Variants in MRPL42 observed in about 807,000 individuals in gnomAD.
The protein encoded by MRPL42 is mitochondrial ribosomal protein L42, also known as large ribosomal subunit protein mL42.
In MRPL42, 17 loss-of-function variants were observed where a neutral mutation model predicts 17.9. The observed-to-expected ratio is 0.95, with a 90% confidence interval of 0.65 to 1.42. The LOEUF (loss-of-function observed/expected upper bound fraction) is 1.42, where lower values mean the gene tolerates loss of function less well. MRPL42 is among the 40% of genes most tolerant of loss of function. The probability of loss-of-function intolerance (pLI) is 0.00; values close to 1 mark genes in which losing one functional copy is unlikely to be tolerated. For missense variants in MRPL42, 177 were observed against 175.2 expected (o/e 1.01, Z -0.06); for synonymous variants, 59 against 54.4 (o/e 1.08, Z -0.37).
chr12:93,482,392 G>A (rs1289712413), intron 4 of MRPL42, among the ~76,000 whole-genome samples: 1 of 152,128 alleles, frequency 6.6e-6, no homozygotes, highest in Non-Finnish European at 1.5e-5. Flanking sequence ...TCACTAAAAT[G>A]TAAGCTTGAT....
rs1953605461 is a variant in MRPL42 at position 93,502,084 on chromosome 12, GTGGTTTTCTT to G, written c.*865_*874del. On this transcript the variant is annotated 3_prime_UTR_variant, in exon 6 of 6. Coordinates refer to ENST00000549982, the MANE Select transcript of MRPL42 (RefSeq NM_014050.4). ...TTTAGTGCATCACAATGACAAAGGG[GTGGTTTTCTT>G]TCACCCAAGAATGTGCTTTCCTGGA... The G allele has an allele frequency of 6.6e-6, 1 of 152,112 alleles. No individual in the cohort carries two copies. Among genetic ancestry groups the G allele is most frequent in the African/African-American group, 2.4e-5 (1 of 41,416 alleles). 9.4% of individuals were successfully genotyped at this position (152,112 alleles called of 1,614,324 possible).
intron 3 of MRPL42, among the ~76,000 whole-genome samples, chr12:93,478,489 G>T (rs1278946056): frequency 1.3e-5 from 2 of 152,006 alleles, no homozygotes; most frequent in African/African-American, 4.8e-5. Context: ...GAGCTCAAGT[G>T]ATCCGCCTTG....
intron 4 of MRPL42, among the ~76,000 whole-genome samples, chr12:93,481,526 C>G (rs1477459073): frequency 1.3e-5 from 2 of 152,142 alleles, no homozygotes; most frequent in Non-Finnish European, 2.9e-5. Flanking sequence ...TATTTCTCCT[C>G]CTCCACCACT....
At position 93,501,177 on chromosome 12, in the gene MRPL42, T is replaced by C; in HGVS notation, c.385T>C (p.Tyr129His). The C allele has an allele frequency of 6.3e-7, 1 of 1,596,156 alleles. No individual in the cohort carries two copies. The highest frequency in any genetic ancestry group is 8.5e-7 in the Non-Finnish European group (1 of 1,172,638). The change falls in exon 6 of 6, where the codon TAT becomes CAT. Residue 129 changes from tyrosine to histidine, a missense_variant and splice_region_variant. Physicochemically the swap from Tyr to His is moderately conservative, Grantham distance 83. Transcript: ENST00000549982. ...TKHRWYPHGRYHRCRKNLNPP... is the reference protein window; with the variant it reads ...TKHRWYPHGRHHRCRKNLNPP... Reference sequence around the variant, plus strand: ...TCCAAGTATTTTCTTCTTTTCAAGGTATCACAGATGTCGTAAGAATCTGAA... The same window carrying C: ...TCCAAGTATTTTCTTCTTTTCAAGGCATCACAGATGTCGTAAGAATCTGAA...
intron 2 of MRPL42, among the ~76,000 whole-genome samples, chr12:93,472,146 G>T (rs558889180): frequency 2.7e-4 from 41 of 152,210 alleles, no homozygotes; most frequent in Middle Eastern, 6.8e-3. Flanking sequence ...TAATCTGAAT[G>T]GTTTAGAGTT....
intron 5 of MRPL42, among the ~76,000 whole-genome samples, chr12:93,496,219 C>T (rs1044337169): frequency 4.6e-5 from 7 of 151,964 alleles, no homozygotes; most frequent in Admixed American, 2.6e-4. Context: ...CCACAACACC[C>T]GGCTAATTTT....
rs1296628549 is a variant in MRPL42, at chr12:93,476,996, C to T, written c.113C>T (p.Pro38Leu). ...YCVCHKSTYS[P>L]LPDDYNCNVE... ...GTTTGTCATAAATCTACGTATTCTCCTCTACCAGATGACTATAATTGGTAT... is the reference window on the plus strand; with the variant it reads ...GTTTGTCATAAATCTACGTATTCTCTTCTACCAGATGACTATAATTGGTAT... Residue 38 changes from proline to leucine, a missense_variant, in exon 3 of 6, where the codon CCT (proline) becomes CTT (leucine). Coordinates refer to ENST00000549982, the MANE Select transcript of MRPL42 (RefSeq NM_014050.4). 5.0e-6 allele frequency: 8 copies of T among 1,604,706 alleles called. No homozygotes were observed. The highest frequency in any genetic ancestry group is 6.0e-6 in the Non-Finnish European group (7 of 1,173,682).
intron 2 of MRPL42, among the ~76,000 whole-genome samples, chr12:93,474,232 C>T (rs1302943349): frequency 6.6e-6 from 1 of 151,958 alleles, no homozygotes; most frequent in Non-Finnish European, 1.5e-5. Context: ...AAATGTATAT[C>T]ATCTAGTTGG....
rs892427314 is a variant in MRPL42 at position 93,509,471 on chromosome 12, T to C, written c.*8250T>C. 1.3e-5 allele frequency: 2 copies of C among 151,840 alleles called. No individual in the cohort carries two copies. The highest frequency in any genetic ancestry group is 2.9e-5 in the Non-Finnish European group (2 of 67,944). 9.4% of individuals were successfully genotyped at this position (151,840 alleles called of 1,614,324 possible). ...TTTGCTCTTTTTTTTTTCTTAGCAC[T>C]TAAAAAAGACTTTTTGCCAGGCACA... On this transcript the variant is annotated 3_prime_UTR_variant, in exon 6 of 6. Coordinates refer to ENST00000549982, the MANE Select transcript of MRPL42 (RefSeq NM_014050.4).
rs756104167 is a variant in MRPL42 at position 93,511,937 on chromosome 12, A to C, written c.*10716A>C. On this transcript the variant is annotated 3_prime_UTR_variant, in exon 6 of 6. Transcript: ENST00000549982. ...AAAGTCTTGGTAGAAAAAGCATATC[A>C]ACTGAACTGTACAGTGTGTTCAGTG... is the stretch of plus-strand genomic sequence containing the variant. 5 of 152,236 alleles carry C rather than the reference A, an allele frequency of 3.3e-5. No individual in the cohort carries two copies. Among genetic ancestry groups the C allele is most frequent in the Non-Finnish European group, 5.9e-5 (4 of 68,046 alleles). The allele number at this position is 152,236 out of a possible 1,614,324, so 9.4% of individuals were successfully genotyped here.
chr12:93,477,467 CAT>C lies in MRPL42; in HGVS notation c.134+453_134+454del, dbSNP rs752190924. On this transcript the variant is annotated intron_variant, in intron 3 of 5. Transcript: ENST00000549982. ...TCACTATGATAAGAACTAGGAATAA[CAT>C]ATGACATTGTCTTTTTTCTCTGCAG... Among the ~76,000 whole-genome samples, 5 of 152,320 alleles carry C rather than the reference CAT, an allele frequency of 3.3e-5. No homozygotes were observed. The South Asian group carries it at 6.2e-4, about 19-fold the overall frequency.
At position 93,505,122 on chromosome 12, in the gene MRPL42, A is replaced by T. The variant is rs534821118; in HGVS notation, c.*3901A>T. ...ATGTAGTTTCTCAGCAACTCATTAC[A>T]GTCTGTCACATCATGCCCTAATTCT... On this transcript the variant is annotated 3_prime_UTR_variant, in exon 6 of 6. Coordinates refer to ENST00000549982, the MANE Select transcript of MRPL42 (RefSeq NM_014050.4). 6 of 152,262 alleles carry T rather than the reference A, an allele frequency of 3.9e-5. No homozygotes were observed. In the South Asian group the frequency reaches 1.2e-3, roughly 32 times the overall value. 9.4% of individuals were successfully genotyped at this position (152,262 alleles called of 1,614,324 possible). A position where few individuals can be genotyped will look rare whatever the true frequency, so the allele number is the denominator to read the frequency against.
chr12:93,483,496 G>A lies in MRPL42; in HGVS notation c.220-4001G>A, dbSNP rs61934322. 4.0e-3 allele frequency among the ~76,000 whole-genome samples: 607 copies of A among 152,260 alleles called. 1 individual carries two copies. Among genetic ancestry groups the A allele is most frequent in the Non-Finnish European group, 5.8e-3 (392 of 68,018 alleles). ...TACTATAGGCAATTGTAACACAATG[G>A]TCAATATTTATGTATCTAAACGTAT... On this transcript the variant is annotated intron_variant, in intron 4 of 5. Coordinates refer to ENST00000549982, the MANE Select transcript of MRPL42 (RefSeq NM_014050.4).
At chr12:93,468,892 CTG>C (rs1289386534) in intron 1 of MRPL42, among the ~76,000 whole-genome samples, 3 of 152,270 alleles carry the variant, frequency 2.0e-5, no homozygotes, top group Middle Eastern at 6.8e-3. Context: ...TTGTGAGTGA[CTG>C]TTTCAAGAGT....
chr12:93,489,938 A>G (rs1221789635), intron 5 of MRPL42, among the ~76,000 whole-genome samples: 1 of 152,242 alleles, frequency 6.6e-6, no homozygotes, highest in Non-Finnish European at 1.5e-5. Flanking sequence ...TTAGGAAACC[A>G]TCTCATAGCC....
chr12:93,511,260 A>T lies in MRPL42; in HGVS notation c.*10039A>T, dbSNP rs984373392. ...CTAAATCAACATTTAAATACAGAAC[A>T]TAAAGAGATAAATCCAAAACCAGAA... On this transcript the variant is annotated 3_prime_UTR_variant, in exon 6 of 6. Transcript: ENST00000549982. 60 of 152,226 alleles carry T rather than the reference A, an allele frequency of 3.9e-4. No individual in the cohort carries two copies. Among genetic ancestry groups the T allele is most frequent in the African/African-American group, 1.4e-3 (59 of 41,462 alleles). 9.4% of individuals were successfully genotyped at this position (152,226 alleles called of 1,614,324 possible).
At chr12:93,488,667 T>A (rs1953357208) in intron 5 of MRPL42, among the ~76,000 whole-genome samples, 1 of 152,206 alleles carries the variant, frequency 6.6e-6, no homozygotes, top group Non-Finnish European at 1.5e-5. Context: ...GCGTATGTTG[T>A]TCTCAGTTCC....
rs765041467 is a variant in MRPL42 at position 93,510,560 on chromosome 12, C to G, written c.*9339C>G. ...GAGGCTGTACCATTTTGCATTCCCA[C>G]CAGCAGTGAATAAGGGTTCCTATTG... On this transcript the variant is annotated 3_prime_UTR_variant, in exon 6 of 6. Coordinates refer to ENST00000549982, the MANE Select transcript of MRPL42 (RefSeq NM_014050.4). The G allele has an allele frequency of 2.6e-5, 4 of 152,216 alleles. No individual in the cohort carries two copies. The highest frequency in any genetic ancestry group is 9.7e-5 in the African/African-American group (4 of 41,440). 9.4% of individuals were successfully genotyped at this position (152,216 alleles called of 1,614,324 possible).
chr12:93,476,563 G>A (rs1880192887), intron 2 of MRPL42, among the ~76,000 whole-genome samples: 1 of 152,098 alleles, frequency 6.6e-6, no homozygotes, highest in Non-Finnish European at 1.5e-5. Flanking sequence ...TACTCACTCT[G>A]CTAGAAACAT....
Sources: gnomAD v4.1 joint callset for allele counts (sites outside exome capture counted in the v4.1 genomes callset) on GRCh38, gnomAD v4.1.1 for gene constraint, MANE v1.5 for transcripts, NCBI Gene and HGNC (gene_info 2026-07-23, HGNC 2026-07-21) for gene names.